The following ITGA9 variants were observed in gnomAD, a reference collection of about 807,000 sequenced individuals.
ITGA9 encodes integrin alpha-9.
ITGA9 carries 56 observed loss-of-function variants against 127.8 expected under a neutral mutation model. The observed-to-expected ratio is 0.44, with a 90% CI of 0.35 to 0.55. The LOEUF (loss-of-function observed/expected upper bound fraction) is 0.55, where lower values mean the gene tolerates loss of function less well. ITGA9 is among the 20% of genes least tolerant of loss of function. The probability of loss-of-function intolerance (pLI) is 0.00; values close to 1 mark genes in which losing one functional copy is unlikely to be tolerated. For synonymous variants in ITGA9, 508 were observed against 514.5 expected (o/e 0.99, Z 0.17); for missense variants, 1,196 against 1,347.1 (o/e 0.89, Z 1.76).
intron 12 of ITGA9, 49 bp downstream of exon 12, chr3:37,523,660 A>T (rs1463615344): frequency 1.6e-6 from 2 of 1,267,286 alleles, no homozygotes; most frequent in Admixed American, 3.4e-5. Context: ...AGATAAATGC[A>T]TGAAGTAGAA....
At chr3:37,555,390 C>T (rs565346624) in intron 15 of ITGA9, among the ~76,000 whole-genome samples, 3 of 152,380 alleles carry the variant, frequency 2.0e-5, no homozygotes, top group Admixed American at 6.5e-5. Context: ...CCACATATGA[C>T]TGTGAGCACT....
intron 20 of ITGA9, among the ~76,000 whole-genome samples, chr3:37,739,387 C>T (rs1696404380): frequency 6.6e-6 from 1 of 152,206 alleles, no homozygotes; most frequent in South Asian, 2.1e-4. Flanking sequence ...TCTTTTCAGG[C>T]ATTGGTGAAG....
chr3:37,700,590 T>G (rs1441589064), intron 18 of ITGA9, among the ~76,000 whole-genome samples: 1 of 152,138 alleles, frequency 6.6e-6, no homozygotes, highest in African/African-American at 2.4e-5. Flanking sequence ...GCTCAAGTGA[T>G]CCACCCACCT....
intron 13 of ITGA9, among the ~76,000 whole-genome samples, chr3:37,531,250 T>C (rs1184833385): frequency 2.0e-5 from 3 of 152,152 alleles, no homozygotes; most frequent in African/African-American, 7.2e-5. Flanking sequence ...GGGCAGGTCC[T>C]GTGTCAGGGT....
At chr3:37,539,655 A>T (rs567344893) in intron 14 of ITGA9, among the ~76,000 whole-genome samples, 1 of 152,334 alleles carries the variant, frequency 6.6e-6, no homozygotes, top group South Asian at 2.1e-4. Context: ...TACTGATTTA[A>T]ATGTTAATCT....
intron 26 of ITGA9, among the ~76,000 whole-genome samples, chr3:37,791,182 T>C (rs2125556813): frequency 6.6e-6 from 1 of 152,320 alleles, no homozygotes; most frequent in South Asian, 2.1e-4. Context: ...ATCAAGACTT[T>C]ATGGAATCAG....
intron 15 of ITGA9, among the ~76,000 whole-genome samples, chr3:37,565,959 G>A (rs1699542695): frequency 6.6e-6 from 1 of 152,162 alleles, no homozygotes; most frequent in African/African-American, 2.4e-5. Flanking sequence ...AGATGATAAA[G>A]ACCTCAGAAA....
chr3:37,483,225 A>G (rs1698574340), intron 4 of ITGA9, among the ~76,000 whole-genome samples: 1 of 152,080 alleles, frequency 6.6e-6, no homozygotes, highest in South Asian at 2.1e-4. Flanking sequence ...ATTCCTCTAT[A>G]TATACCACAA....
intron 15 of ITGA9, among the ~76,000 whole-genome samples, chr3:37,592,418 GC>G (rs906070208): frequency 2.6e-5 from 4 of 152,130 alleles, no homozygotes; most frequent in Non-Finnish European, 5.9e-5. Flanking sequence ...CCTCCTGGGG[GC>G]AGGAGGAGAA....
intron 15 of ITGA9, among the ~76,000 whole-genome samples, chr3:37,619,233 G>C (rs1190778226): frequency 2.6e-5 from 4 of 152,154 alleles, no homozygotes. Context: ...GATCTGCCTG[G>C]TCCACATCAT....
intron 23 of ITGA9, among the ~76,000 whole-genome samples, chr3:37,766,089 G>T (rs555170963): frequency 6.6e-6 from 1 of 152,224 alleles, no homozygotes; most frequent in African/African-American, 2.4e-5. Context: ...TACCAAAGTC[G>T]ATAACAGGAA....
intron 18 of ITGA9, among the ~76,000 whole-genome samples, chr3:37,710,219 T>C (rs891778807): frequency 6.6e-6 from 1 of 152,166 alleles, no homozygotes; most frequent in African/African-American, 2.4e-5. Context: ...GGGTGACAGC[T>C]TAGCTCAGAA....
chr3:37,579,091 C>A (rs2125608765), intron 15 of ITGA9, among the ~76,000 whole-genome samples: 1 of 152,276 alleles, frequency 6.6e-6, no homozygotes, highest in East Asian at 1.9e-4. Flanking sequence ...AGGAAATGGC[C>A]TCCCCAGCAG....
intron 14 of ITGA9, among the ~76,000 whole-genome samples, chr3:37,541,389 C>G (rs9825171): frequency 6.6e-6 from 1 of 152,106 alleles, no homozygotes; most frequent in Non-Finnish European, 1.5e-5. Context: ...AGGGGATGAC[C>G]TCTGGCACAG....
At chr3:37,458,910 G>A (rs868368129) in intron 1 of ITGA9, among the ~76,000 whole-genome samples, 2 of 152,306 alleles carry the variant, frequency 1.3e-5, no homozygotes, top group Middle Eastern at 3.4e-3. Context: ...CTGAGCCACC[G>A]AGTTCTCTGA....
chr3:37,567,909 C>G (rs771092784), intron 15 of ITGA9, among the ~76,000 whole-genome samples: 7 of 152,130 alleles, frequency 4.6e-5, no homozygotes, highest in Non-Finnish European at 8.8e-5. Context: ...AGGTTCATGG[C>G]ACAAGCAGTT....
At chr3:37,730,690 A>G (rs1159673401) in intron 18 of ITGA9, among the ~76,000 whole-genome samples, 2 of 152,214 alleles carry the variant, frequency 1.3e-5, no homozygotes, top group East Asian at 1.9e-4. Flanking sequence ...TACCCAGTGC[A>G]TGCTCAGGGC....
At chr3:37,518,438 A>C (rs1368403373) in intron 10 of ITGA9, among the ~76,000 whole-genome samples, 2 of 152,200 alleles carry the variant, frequency 1.3e-5, no homozygotes, top group East Asian at 3.9e-4. Context: ...GAAAAAAGTT[A>C]GGAAGATCTA....
At chr3:37,617,395 AT>A (rs1700085019) in intron 15 of ITGA9, among the ~76,000 whole-genome samples, 1 of 151,874 alleles carries the variant, frequency 6.6e-6, no homozygotes, top group Admixed American at 6.6e-5. Context: ...TGCCCTTAAC[AT>A]TTTTTCCTTC....
Sources: gnomAD v4.1 joint callset for allele counts (sites outside exome capture counted in the v4.1 genomes callset) on GRCh38, gnomAD v4.1.1 for gene constraint, MANE v1.5 for transcripts, NCBI Gene and HGNC (gene_info 2026-07-23, HGNC 2026-07-21) for gene names.